SETD2: variants seen among roughly 807,000 people sequenced by gnomAD.
SETD2 encodes the protein SET domain containing 2, histone lysine methyltransferase.
Under a neutral mutation model 242.1 loss-of-function variants are expected in SETD2, and 31 were observed. The observed-to-expected ratio is 0.13, with a 90% CI of 0.10 to 0.17. The LOEUF is 0.17. Ranked by LOEUF, SETD2 falls within the 10% of genes least tolerant of loss-of-function variation. The pLI is 1.00. For synonymous variants in SETD2, 1,006 were observed against 1,066.5 expected (o/e 0.94, Z 1.11); for missense variants, 2,481 against 3,046.3 (o/e 0.81, Z 4.37).
chr3:47,056,720 T>C (rs773261161), intron 15 of SETD2, 101 bp downstream of exon 15: 8 of 871,002 alleles, frequency 9.2e-6, no homozygotes, highest in Non-Finnish European at 1.5e-5. Context: ...GATCAATATA[T>C]ACAAGTAGTC....
Position 47,116,752 on chromosome 3 carries a change from T to C in SETD2, c.4457A>G (p.Lys1486Arg), listed in dbSNP as rs770094902. The C allele has an allele frequency of 1.3e-6, 2 of 1,588,642 alleles. No individual in the cohort carries two copies. The highest frequency in any genetic ancestry group is 1.7e-6 in the Non-Finnish European group (2 of 1,162,106). ...AATATCTCGATGAGATTTATTCTTCTTTCTATTGGGTAAAATTTCATAAAA... is the reference window on the plus strand; with the variant it reads ...AATATCTCGATGAGATTTATTCTTCCTTCTATTGGGTAAAATTTCATAAAA... ...IEENVYLTER[K>R]KNKSHRDIKR... The change falls in exon 4 of 21, where the codon AAG becomes AGG. Residue 1486 changes from lysine to arginine, a missense_variant and splice_region_variant. By Grantham distance (26) the Lys-to-Arg change is conservative. Around this residue, in one of 17 missense-constraint regions of SETD2, gnomAD observed 48 missense variants for 76.6 expected, o/e 0.63. Transcript: ENST00000409792.
At chr3:47,023,376 G>C (rs1221212058) in intron 18 of SETD2, among the ~76,000 whole-genome samples, 6 of 152,022 alleles carry the variant, frequency 3.9e-5, no homozygotes, top group African/African-American at 1.4e-4. Flanking sequence ...CTGCAGCCTG[G>C]GTGACAGAGC....
At chr3:47,028,383 G>C (rs2038602559) in intron 18 of SETD2, among the ~76,000 whole-genome samples, 1 of 152,184 alleles carries the variant, frequency 6.6e-6, no homozygotes, top group African/African-American at 2.4e-5. Flanking sequence ...CTCACAAAAG[G>C]CTGGGAAACA....
At chr3:47,158,680 T>C (rs1481774902) in intron 1 of SETD2, among the ~76,000 whole-genome samples, 3 of 152,234 alleles carry the variant, frequency 2.0e-5, no homozygotes, top group Non-Finnish European at 4.4e-5. Context: ...AACAGTATCC[T>C]AGTAGCAGTT....
chr3:47,159,385 C>T (rs1044905613), intron 1 of SETD2, among the ~76,000 whole-genome samples: 1 of 152,186 alleles, frequency 6.6e-6, no homozygotes, highest in African/African-American at 2.4e-5. Flanking sequence ...TTGATGGCAA[C>T]TTTCTAACGC....
chr3:47,047,367 T>C (rs1431224561), intron 15 of SETD2, among the ~76,000 whole-genome samples: 1 of 152,172 alleles, frequency 6.6e-6, no homozygotes, highest in African/African-American at 2.4e-5. Context: ...TTCTCAAGCA[T>C]AGAAAATCTG....
At chr3:47,090,620 G>C (rs2041761352) in intron 9 of SETD2, among the ~76,000 whole-genome samples, 1 of 152,046 alleles carries the variant, frequency 6.6e-6, no homozygotes, top group African/African-American at 2.4e-5. Flanking sequence ...TCGATCTCCT[G>C]ATCTTGTGAT....
At chr3:47,034,648 G>A (rs1190898104) in intron 18 of SETD2, among the ~76,000 whole-genome samples, 1 of 152,200 alleles carries the variant, frequency 6.6e-6, no homozygotes, top group Non-Finnish European at 1.5e-5. Context: ...GGGCTACAGA[G>A]TGAGGGAGAC....
intron 1 of SETD2, among the ~76,000 whole-genome samples, chr3:47,148,880 T>A (rs1269179539): frequency 6.6e-6 from 1 of 152,222 alleles, no homozygotes; most frequent in African/African-American, 2.4e-5. Context: ...TTGAGTTTCA[T>A]ACGGGATTAA....
chr3:47,016,986 C>G lies in SETD2; in HGVS notation c.*107G>C. 1 of 1,092,218 alleles carries G rather than the reference C, an allele frequency of 9.2e-7. No individual in the cohort carries two copies. Among genetic ancestry groups the G allele is most frequent in the Non-Finnish European group, 1.4e-6 (1 of 734,636 alleles). 67.7% of individuals were successfully genotyped at this position (1,092,218 alleles called of 1,614,324 possible). A position where few individuals can be genotyped will look rare whatever the true frequency, so the allele number is the denominator to read the frequency against. On this transcript the variant is annotated 3_prime_UTR_variant, in exon 21 of 21. Transcript: ENST00000409792. ...GGTTGAATTCCCCAGGGTGATGTAT[C>G]ATCAGTAGCACAGTGCTGACAGGGG...
intron 15 of SETD2, among the ~76,000 whole-genome samples, chr3:47,048,353 C>T (rs1435791998): frequency 6.6e-6 from 1 of 152,140 alleles, no homozygotes; most frequent in African/African-American, 2.4e-5. Context: ...GGCACCACTG[C>T]ACTCCAGCCT....
At position 47,123,390 on chromosome 3, in the gene SETD2, T is replaced by C. The variant is rs1315851590; in HGVS notation, c.1246A>G (p.Asn416Asp). Residue 416 changes from asparagine to aspartate, a missense_variant, in exon 3 of 21, where the codon AAT becomes GAT. Coordinates refer to ENST00000409792, the MANE Select transcript of SETD2 (RefSeq NM_014159.7). ...CGTTCTGACCTGGAATAGGATAAAT[T>C]AGTTCTAGAGCCTCTCTCAGACCTA... ...HSRSERGSRT[N>D]LSYSRSERSH... is the part of the protein sequence containing the mutation. 6.4e-7 allele frequency: 1 copy of C among 1,551,704 alleles called. No homozygotes were observed. Among genetic ancestry groups the C allele is most frequent in the African/African-American group, 1.4e-5 (1 of 73,174 alleles).
intron 18 of SETD2, among the ~76,000 whole-genome samples, chr3:47,025,330 T>C (rs929854852): frequency 2.0e-5 from 3 of 152,236 alleles, no homozygotes; most frequent in Non-Finnish European, 4.4e-5. Flanking sequence ...GCATCTCCAG[T>C]CGTAGTTCCT....
chr3:47,066,899 A>G, intron 13 of SETD2, 171 bp downstream of exon 13: 1 of 549,036 alleles, frequency 1.8e-6, no homozygotes, highest in Non-Finnish European at 3.2e-6. Context: ...GGCAAAATGC[A>G]TTAAGAATAA....
At chr3:47,025,045 C>T (rs1003596013) in intron 18 of SETD2, among the ~76,000 whole-genome samples, 1 of 152,164 alleles carries the variant, frequency 6.6e-6, no homozygotes, top group East Asian at 1.9e-4. Context: ...ATATGCCTTC[C>T]CTATGTCACT....
intron 8 of SETD2, 122 bp downstream of exon 8, chr3:47,101,336 T>C (rs2042204240): frequency 1.6e-6 from 1 of 609,256 alleles, no homozygotes; most frequent in African/African-American, 1.9e-5. Flanking sequence ...AACAATATCT[T>C]ATAGATAAGA....
chr3:47,057,531 T>C lies in SETD2; in HGVS notation c.6294-41A>G, dbSNP rs748506057. On this transcript the variant is annotated intron_variant, in intron 14 of 20. Transcript: ENST00000409792. ...GGACCACAAAAAGTTGCTCCCTAAA[T>C]CATAGACACAATCAAAGCACTAATA... is the stretch of plus-strand genomic sequence containing the variant. 4.2e-6 allele frequency: 6 copies of C among 1,444,394 alleles called. No homozygotes were observed. In the South Asian group the frequency reaches 5.9e-5, roughly 14 times the overall value. 89.5% of individuals were successfully genotyped at this position (1,444,394 alleles called of 1,614,324 possible).
chr3:47,078,312 T>C (rs1356431782), intron 12 of SETD2, among the ~76,000 whole-genome samples: 1 of 152,076 alleles, frequency 6.6e-6, no homozygotes, highest in Non-Finnish European at 1.5e-5. Context: ...TACTGTAATA[T>C]TCCTGACCAA....
rs951770673 is a variant in SETD2 at position 47,105,984 on chromosome 3, C to T, written c.4839+13G>A. Reference sequence around the variant, plus strand: ...CAGATCTGTTTCAAGGCAAACATATCCAAGCTGCTTACCTCATCATTCTTC... The same window carrying T: ...CAGATCTGTTTCAAGGCAAACATATTCAAGCTGCTTACCTCATCATTCTTC... On this transcript the variant is annotated intron_variant, in intron 6 of 20. Coordinates refer to ENST00000409792, the MANE Select transcript of SETD2 (RefSeq NM_014159.7). The T allele has an allele frequency of 6.2e-7, 1 of 1,610,142 alleles. No individual in the cohort carries two copies.
Sources: allele counts gnomAD v4.1 joint callset (sites outside exome capture counted in the v4.1 genomes callset), GRCh38; gene constraint gnomAD v4.1.1; regional missense constraint gnomAD v4.1.1; transcripts MANE v1.5; gene names NCBI Gene and HGNC (gene_info 2026-07-23, HGNC 2026-07-21).